CACNA2D3: variants seen among roughly 807,000 people sequenced by gnomAD.
The protein encoded by CACNA2D3 is calcium voltage-gated channel auxiliary subunit alpha2delta 3, also known as voltage-dependent calcium channel subunit alpha-2/delta-3.
Under a neutral mutation model 160.6 loss-of-function variants are expected in CACNA2D3, and 60 were observed. That is an observed-to-expected ratio of 0.37 (90% CI 0.30 to 0.46). CACNA2D3 has a LOEUF of 0.46. CACNA2D3 is among the 20% of genes least tolerant of loss of function. CACNA2D3 has a pLI of 1.00. For synonymous variants in CACNA2D3, 558 were observed against 492.9 expected (o/e 1.13, Z -1.75); for missense variants, 1,205 against 1,365.0 (o/e 0.88, Z 1.85).
At chr3:54,554,198 G>C (rs1382710752) in intron 5 of CACNA2D3, among the ~76,000 whole-genome samples, 1 of 152,092 alleles carries the variant, frequency 6.6e-6, no homozygotes, top group African/African-American at 2.4e-5. Context: ...CACCCAATTT[G>C]GGTAAACCCC....
Position 54,320,498 on chromosome 3 carries a change from G to A in CACNA2D3, c.261G>A (p.Leu87=). Residue 87 remains leucine (L), a synonymous_variant, in exon 3 of 38, where the codon CTG becomes CTA. Transcript: ENST00000474759. ...TAGAAGAAATTGATGGCCTCCAACT[G>A]GTAAAGAAGCTGGCAAAGAACATGG... ...VAIEEIDGLQ[L]VKKLAKNMEE... The A allele has an allele frequency of 6.4e-7, 1 of 1,570,144 alleles. No homozygotes were observed. Among genetic ancestry groups the A allele is most frequent in the Non-Finnish European group, 8.6e-7 (1 of 1,157,024 alleles).
At chr3:54,742,064 G>A (rs1481549053) in intron 11 of CACNA2D3, among the ~76,000 whole-genome samples, 1 of 151,976 alleles carries the variant, frequency 6.6e-6, no homozygotes, top group Non-Finnish European at 1.5e-5. Context: ...ATGAGGTCTT[G>A]CCATGTTGCC....
intron 30 of CACNA2D3, among the ~76,000 whole-genome samples, chr3:54,985,392 T>G (rs1702592749): frequency 6.6e-6 from 1 of 152,170 alleles, no homozygotes; most frequent in African/African-American, 2.4e-5. Flanking sequence ...GCATTAAAAC[T>G]TTTCCTGCAA....
At chr3:54,280,140 G>A (rs543672139) in intron 2 of CACNA2D3, among the ~76,000 whole-genome samples, 151 of 152,126 alleles carry the variant, frequency 9.9e-4, no homozygotes, top group African/African-American at 3.2e-3. Flanking sequence ...GGAGTGCAGT[G>A]GTGCGATCTC....
At chr3:54,819,771 G>C (rs890235947) in intron 14 of CACNA2D3, among the ~76,000 whole-genome samples, 2 of 150,264 alleles carry the variant, frequency 1.3e-5, no homozygotes, top group Admixed American at 1.3e-4. Flanking sequence ...CTTGAACCTG[G>C]GAGGTGGAGG....
chr3:54,519,795 A>G (rs994441015), intron 5 of CACNA2D3, among the ~76,000 whole-genome samples: 1 of 152,210 alleles, frequency 6.6e-6, no homozygotes, highest in African/African-American at 2.4e-5. Flanking sequence ...AGCTCAGCTG[A>G]CAGAAATCTA....
chr3:54,274,324 T>G (rs56306808), intron 2 of CACNA2D3, among the ~76,000 whole-genome samples: 1 of 152,146 alleles, frequency 6.6e-6, no homozygotes, highest in African/African-American at 2.4e-5. Flanking sequence ...ATTATTTTTC[T>G]TCTTTCTTTC....
intron 2 of CACNA2D3, among the ~76,000 whole-genome samples, chr3:54,156,707 G>A (rs1700251785): frequency 6.6e-6 from 1 of 152,202 alleles, no homozygotes; most frequent in Non-Finnish European, 1.5e-5. Context: ...GTGGGTAGAA[G>A]CTGAAGCGCT....
At chr3:54,229,317 G>A (rs1345305409) in intron 2 of CACNA2D3, among the ~76,000 whole-genome samples, 1 of 151,816 alleles carries the variant, frequency 6.6e-6, no homozygotes, top group East Asian at 1.9e-4. Flanking sequence ...TCAGCCTCCC[G>A]AGTAGCTGGG....
At chr3:54,896,650 T>C in intron 25 of CACNA2D3, 99 bp from the exon 26 acceptor site, 1 of 1,460,004 alleles carries the variant, frequency 6.8e-7, no homozygotes, top group Non-Finnish European at 9.5e-7. Flanking sequence ...GTTCTAAAAG[T>C]GAACACTGGT....
chr3:54,240,677 T>C (rs1701958492), intron 2 of CACNA2D3, among the ~76,000 whole-genome samples: 1 of 152,234 alleles, frequency 6.6e-6, no homozygotes, highest in Non-Finnish European at 1.5e-5. Flanking sequence ...TCTCATCTGC[T>C]GGTTTTGTAA....
chr3:54,544,282 T>G (rs1462191604), intron 5 of CACNA2D3, among the ~76,000 whole-genome samples: 1 of 152,250 alleles, frequency 6.6e-6, no homozygotes, highest in African/African-American at 2.4e-5. Flanking sequence ...TAAATAATTC[T>G]ACCTTTTAAT....
At chr3:54,420,450 T>C (rs1033293907) in intron 4 of CACNA2D3, among the ~76,000 whole-genome samples, 2 of 152,204 alleles carry the variant, frequency 1.3e-5, no homozygotes, top group Admixed American at 6.5e-5. Flanking sequence ...TGGTTTAGTG[T>C]CGTCTATATT....
chr3:54,842,195 A>T (rs1698833934), intron 16 of CACNA2D3, among the ~76,000 whole-genome samples: 1 of 152,180 alleles, frequency 6.6e-6, no homozygotes, highest in Non-Finnish European at 1.5e-5. Context: ...CCATCAACCA[A>T]CACACAAAAC....
intron 3 of CACNA2D3, among the ~76,000 whole-genome samples, chr3:54,361,176 G>T (rs1019658878): frequency 6.6e-6 from 1 of 151,496 alleles, no homozygotes; most frequent in Non-Finnish European, 1.5e-5. Context: ...TTTATGGAAG[G>T]TTAAGTACCA....
intron 5 of CACNA2D3, among the ~76,000 whole-genome samples, chr3:54,520,742 C>G (rs904954162): frequency 1.3e-5 from 2 of 152,202 alleles, no homozygotes; most frequent in South Asian, 2.1e-4. Flanking sequence ...CAAAGAAACC[C>G]TGTACTCTTT....
intron 17 of CACNA2D3, among the ~76,000 whole-genome samples, chr3:54,857,165 T>C (rs1168699): frequency 0.79 from 120,355 of 152,096 alleles, 47,858 homozygotes; most frequent in Admixed American, 0.84. Flanking sequence ...GTACAAAAAC[T>C]CTGAGGCATG....
At chr3:54,175,790 A>G (rs1430358177) in intron 2 of CACNA2D3, among the ~76,000 whole-genome samples, 2 of 152,120 alleles carry the variant, frequency 1.3e-5, no homozygotes, top group Non-Finnish European at 2.9e-5. Flanking sequence ...AAAACAGGTC[A>G]TTGGAGGGGA....
intron 28 of CACNA2D3, among the ~76,000 whole-genome samples, chr3:54,969,525 G>A (rs1274684188): frequency 6.6e-6 from 1 of 152,112 alleles, no homozygotes; most frequent in Non-Finnish European, 1.5e-5. Context: ...CTCCCAAAGT[G>A]CAGGGATTAC....
Sources: gnomAD v4.1 joint callset for allele counts (sites outside exome capture counted in the v4.1 genomes callset) on GRCh38, gnomAD v4.1.1 for gene constraint, MANE v1.5 for transcripts, NCBI Gene and HGNC (gene_info 2026-07-23, HGNC 2026-07-21) for gene names.